Variants in MKLN1 observed in about 807,000 individuals in gnomAD.
MKLN1 encodes muskelin 1.
A neutral mutation model predicts 99.0 loss-of-function variants in MKLN1; 18 were observed. The ratio of observed to expected loss-of-function variants is 0.18; its 90% CI spans 0.13 to 0.27. The LOEUF is 0.27. Ranked by LOEUF, MKLN1 falls within the 10% of genes least tolerant of loss-of-function variation. The probability of loss-of-function intolerance (pLI) is 1.00; values close to 1 mark genes in which losing one functional copy is unlikely to be tolerated. For missense variants in MKLN1, 621 were observed against 875.9 expected (o/e 0.71, Z 3.67); for synonymous variants, 288 against 293.2 (o/e 0.98, Z 0.18).
chr7:131,377,081 C>T (rs988512541), intron 2 of MKLN1, among the ~76,000 whole-genome samples: 6 of 152,036 alleles, frequency 3.9e-5, no homozygotes, highest in Admixed American at 3.9e-4. Context: ...TGATGATAGG[C>T]ATTTAGGCTT....
At chr7:131,337,285 A>G (rs1799275592) in intron 1 of MKLN1, among the ~76,000 whole-genome samples, 1 of 152,114 alleles carries the variant, frequency 6.6e-6, no homozygotes, top group Non-Finnish European at 1.5e-5. Context: ...TTGACTTTTT[A>G]AAAATATTGT....
chr7:131,215,047 T>G (rs1224540194), intron 3 of MKLN1, among the ~76,000 whole-genome samples: 1 of 152,234 alleles, frequency 6.6e-6, no homozygotes, highest in Non-Finnish European at 1.5e-5. Context: ...TATGTTGATC[T>G]TATACCAATC....
intron 1 of MKLN1, among the ~76,000 whole-genome samples, chr7:131,122,643 G>A (rs1026719837): frequency 2.6e-5 from 4 of 152,144 alleles, no homozygotes; most frequent in South Asian, 2.1e-4. Flanking sequence ...TCCCATGAGA[G>A]AGAAAGGTGA....
At chr7:131,123,217 C>A (rs1795403522) in intron 1 of MKLN1, among the ~76,000 whole-genome samples, 1 of 151,950 alleles carries the variant, frequency 6.6e-6, no homozygotes, top group African/African-American at 2.4e-5. Flanking sequence ...AATGTTATGC[C>A]ATCCTGTATC....
At chr7:131,241,394 A>G (rs1797400121) in intron 3 of MKLN1, among the ~76,000 whole-genome samples, 1 of 87,030 alleles carries the variant, frequency 1.1e-5, no homozygotes, top group Non-Finnish European at 2.7e-5. Context: ...AAAAAAAGAA[A>G]AAAGAAAAAA....
chr7:131,130,488 C>A (rs1257144805), intron 1 of MKLN1, among the ~76,000 whole-genome samples: 1 of 152,216 alleles, frequency 6.6e-6, no homozygotes, highest in African/African-American at 2.4e-5. Context: ...CCATTACCCC[C>A]ATTTCACAGA....
At chr7:131,458,918 A>C (rs1485653256) in intron 12 of MKLN1, among the ~76,000 whole-genome samples, 1 of 152,184 alleles carries the variant, frequency 6.6e-6, no homozygotes, top group Non-Finnish European at 1.5e-5. Context: ...ACTTTTCCTC[A>C]ACCCTTTTAA....
chr7:131,229,503 G>A (rs369652936), intron 3 of MKLN1, among the ~76,000 whole-genome samples: 318 of 151,620 alleles, frequency 2.1e-3, no homozygotes, highest in African/African-American at 7.1e-3. Flanking sequence ...ACAGCCCTCT[G>A]AGAGAATAGA....
At position 131,492,932 on chromosome 7, in the gene MKLN1, G is replaced by A. The variant is rs1270577351; in HGVS notation, c.*5204G>A. Reference sequence around the variant, plus strand: ...TCGGGGAAATTATCACTGTCTTTTTGGCTAAAGTTTTATATTGTGAACTGG... The same window carrying A: ...TCGGGGAAATTATCACTGTCTTTTTAGCTAAAGTTTTATATTGTGAACTGG... On this transcript the variant is annotated 3_prime_UTR_variant, in exon 18 of 18. Transcript: ENST00000352689. 1 of 151,936 alleles carries A rather than the reference G, an allele frequency of 6.6e-6. No individual in the cohort carries two copies. The highest frequency in any genetic ancestry group is 2.4e-5 in the African/African-American group (1 of 41,348). The allele number at this position is 151,936 out of a possible 1,614,324, so 9.4% of individuals were successfully genotyped here. A position where few individuals can be genotyped will look rare whatever the true frequency, so the allele number is the denominator to read the frequency against.
At chr7:131,363,745 T>C (rs571684166) in intron 1 of MKLN1, among the ~76,000 whole-genome samples, 1 of 151,920 alleles carries the variant, frequency 6.6e-6, no homozygotes, top group South Asian at 2.1e-4. Context: ...TTTCTTTTTT[T>C]GTACCATCCC....
intron 3 of MKLN1, among the ~76,000 whole-genome samples, chr7:131,315,367 C>T (rs1798646095): frequency 6.6e-6 from 1 of 152,132 alleles, no homozygotes; most frequent in African/African-American, 2.4e-5. Context: ...CTGTGCTACC[C>T]AGCCTGGATA....
rs1563259290 is a variant in MKLN1, at chr7:131,227,489, T to TTC, written c.-179+24517_-179+24518dup. ...TTTCTTTCTTTCTCTCTTTCTCTCT[T>TTC]TCTTTCTCTTTCTTTCTTTCTTTCT... On this transcript the variant is annotated intron_variant, in intron 3 of 7. Transcript: ENST00000416992. 5.3e-5 allele frequency among the ~76,000 whole-genome samples: 7 copies of TTC among 130,910 alleles called. No homozygotes were observed. In the East Asian group the frequency reaches 6.7e-4, roughly 13 times the overall value. The allele number at this position is 130,910 out of a possible 152,430, so 85.9% of individuals were successfully genotyped here.
chr7:131,401,903 CTT>C lies in MKLN1; in HGVS notation c.703+2474_703+2475del, dbSNP rs549081739. 1.4e-3 allele frequency among the ~76,000 whole-genome samples: 206 copies of C among 152,300 alleles called. 2 individuals are homozygous for C. Among genetic ancestry groups the C allele is most frequent in the African/African-American group, 4.6e-3 (193 of 41,574 alleles). ...ATCTGAGCCTTCAGTGAGTTATACT[CTT>C]TTTGCTAGTGAAGGGTCTTGCCTCA... is the stretch of plus-strand genomic sequence containing the variant. On this transcript the variant is annotated intron_variant, in intron 6 of 17. Transcript: ENST00000352689.
intron 1 of MKLN1, among the ~76,000 whole-genome samples, chr7:131,329,941 T>A (rs183274497): frequency 6.6e-6 from 1 of 152,250 alleles, no homozygotes; most frequent in Non-Finnish European, 1.5e-5. Context: ...TTAATCCTTA[T>A]GACATTCTAT....
chr7:131,216,872 C>T (rs1051923922), intron 3 of MKLN1, among the ~76,000 whole-genome samples: 2 of 152,134 alleles, frequency 1.3e-5, no homozygotes, highest in African/African-American at 4.8e-5. Flanking sequence ...TGCCTCCTCA[C>T]GAAAATAACT....
intron 12 of MKLN1, among the ~76,000 whole-genome samples, chr7:131,462,437 T>A (rs1336209681): frequency 1.3e-5 from 2 of 152,250 alleles, no homozygotes; most frequent in Non-Finnish European, 2.9e-5. Context: ...ATCAAATTTT[T>A]TTTCCCAGGT....
chr7:131,329,131 AG>A (rs1798990380), intron 1 of MKLN1, among the ~76,000 whole-genome samples: 1 of 152,262 alleles, frequency 6.6e-6, no homozygotes, highest in Non-Finnish European at 1.5e-5. Context: ...AGCATACTCA[AG>A]TAAGTTTTCC....
At chr7:131,333,540 A>G (rs1451274977) in intron 1 of MKLN1, among the ~76,000 whole-genome samples, 2 of 146,972 alleles carry the variant, frequency 1.4e-5, no homozygotes, top group East Asian at 2.0e-4. Context: ...CTTTACAGAA[A>G]TTTTTTTTTT....
chr7:131,399,266 T>C lies in MKLN1; in HGVS notation c.536T>C (p.Leu179Pro). ...SKYREQEAIRLCLKHFRQHNY... is the reference protein window; with the variant it reads ...SKYREQEAIRPCLKHFRQHNY... ...TACCGTGAACAGGAAGCTATTCGCC[T>C]TTGCCTAAAACACTTCAGACAACAC... Residue 179 changes from leucine (L) to proline (P), a missense_variant, in exon 6 of 18, where the codon CTT becomes CCT. Physicochemically the swap from Leu to Pro is moderately conservative, Grantham distance 98. This residue lies in a region of MKLN1 where 361 missense variants were observed against 540.8 expected (regional missense o/e 0.67). Transcript: ENST00000352689. 6.2e-7 allele frequency: 1 copy of C among 1,614,008 alleles called. No homozygotes were observed. Among genetic ancestry groups the C allele is most frequent in the Non-Finnish European group, 8.5e-7 (1 of 1,179,924 alleles).
Sources: gnomAD v4.1 joint callset for allele counts (sites outside exome capture counted in the v4.1 genomes callset) on GRCh38, gnomAD v4.1.1 for gene constraint, gnomAD v4.1.1 regional missense constraint, MANE v1.5 for transcripts, NCBI Gene and HGNC (gene_info 2026-07-23, HGNC 2026-07-21) for gene names.